FAR2: variants seen among roughly 807,000 people sequenced by gnomAD.
FAR2 encodes the protein epididymis secretory protein Li 81.
In FAR2, 19 loss-of-function variants were observed where a neutral mutation model predicts 56.0. That is an observed-to-expected ratio of 0.34 (90% CI 0.24 to 0.50). FAR2 has a LOEUF of 0.50. FAR2 is among the 20% of genes least tolerant of loss of function. FAR2 has a pLI of 0.98. For missense variants in FAR2, 508 were observed against 642.2 expected (o/e 0.79, Z 2.26); for synonymous variants, 219 against 218.8 (o/e 1.00, Z -0.01).
At chr12:29,271,899 G>A (rs1024558188) in intron 2 of FAR2, among the ~76,000 whole-genome samples, 1 of 152,098 alleles carries the variant, frequency 6.6e-6, no homozygotes, top group African/African-American at 2.4e-5. Flanking sequence ...ACTTACCAAA[G>A]GTCTTCTACC....
At chr12:29,247,569 A>T (rs907532813) in intron 1 of FAR2, among the ~76,000 whole-genome samples, 1 of 152,090 alleles carries the variant, frequency 6.6e-6, no homozygotes, top group Non-Finnish European at 1.5e-5. Flanking sequence ...ACACATTTAA[A>T]CTATTTTGTT....
At chr12:29,157,258 CTTG>C (rs1266524524) in intron 1 of FAR2, among the ~76,000 whole-genome samples, 2 of 151,402 alleles carry the variant, frequency 1.3e-5, no homozygotes, top group African/African-American at 2.4e-5. Context: ...ATAACATTTG[CTTG>C]TTGATTTAGC....
chr12:29,335,275 T>C lies in FAR2; in HGVS notation c.*1481T>C, dbSNP rs1162235337. The C allele has an allele frequency of 6.6e-6, 1 of 152,182 alleles. No individual in the cohort carries two copies. The highest frequency in any genetic ancestry group is 1.9e-4 in the East Asian group (1 of 5,190). The allele number at this position is 152,182 out of a possible 1,614,324, so 9.4% of individuals were successfully genotyped here. ...ATTCCAGATTCTCCTGAGCTCTATATAAAGGGCATTTTGGAGGAACTCTTC... is the reference window on the plus strand; with the variant it reads ...ATTCCAGATTCTCCTGAGCTCTATACAAAGGGCATTTTGGAGGAACTCTTC... On this transcript the variant is annotated 3_prime_UTR_variant, in exon 12 of 12. Transcript: ENST00000536681.
chr12:29,323,415 G>A (rs979928776), intron 10 of FAR2, among the ~76,000 whole-genome samples: 21 of 152,216 alleles, frequency 1.4e-4, no homozygotes, highest in East Asian at 3.9e-4. Flanking sequence ...CCTCCAGCAC[G>A]CAGCTTGAGA....
chr12:29,258,310 G>A lies in FAR2; in HGVS notation c.-38-12102G>A, dbSNP rs112523925. On this transcript the variant is annotated intron_variant, in intron 1 of 11. Coordinates refer to ENST00000536681, the MANE Select transcript of FAR2 (RefSeq NM_001271783.2). ...GCAGAGATTGCAGTGAGCCGAGATC[G>A]CACCACTGCACTCCAGTCTGGGTGA... is the stretch of plus-strand genomic sequence containing the variant. 3.9e-3 allele frequency among the ~76,000 whole-genome samples: 592 copies of A among 152,076 alleles called. 7 individuals are homozygous for A. The highest frequency in any genetic ancestry group is 0.013 in the African/African-American group (532 of 41,478).
At chr12:29,169,869 G>A (rs1466517647) in intron 1 of FAR2, among the ~76,000 whole-genome samples, 2 of 152,204 alleles carry the variant, frequency 1.3e-5, no homozygotes, top group African/African-American at 4.8e-5. Context: ...CGTATAAGTA[G>A]GGGTATTAGT....
intron 2 of FAR2, among the ~76,000 whole-genome samples, chr12:29,289,799 A>G (rs1412655562): frequency 6.6e-6 from 1 of 152,214 alleles, no homozygotes; most frequent in Non-Finnish European, 1.5e-5. Context: ...TATCTGATAA[A>G]GGATTAATAA....
At chr12:29,308,285 A>G (rs1418200840) in intron 5 of FAR2, among the ~76,000 whole-genome samples, 3 of 152,158 alleles carry the variant, frequency 2.0e-5, no homozygotes, top group Non-Finnish European at 4.4e-5. Flanking sequence ...GACCTTTTGA[A>G]AGTACTTTGA....
In FAR2 at chr12:29,327,674, A is replaced by G. The variant is rs926342156; in HGVS notation, c.1258-4926A>G. Among the ~76,000 whole-genome samples the G allele has an allele frequency of 3.1e-4, 47 of 152,354 alleles. No individual in the cohort carries two copies. The South Asian group carries it at 4.8e-3, about 15-fold the overall frequency. ...GGGGAAAGGATTCCCTATTTAATAA[A>G]TGGTGCTGGGAAAACTGGCTAGCCA... On this transcript the variant is annotated intron_variant, in intron 10 of 11. Transcript: ENST00000536681.
At chr12:29,158,090 TAA>T (rs1375733547) in intron 1 of FAR2, among the ~76,000 whole-genome samples, 17 of 152,228 alleles carry the variant, frequency 1.1e-4, no homozygotes, top group Admixed American at 1.1e-3. Context: ...GCCTAAAACT[TAA>T]GAGAAACTGT....
At chr12:29,252,567 G>A (rs573598730) in intron 1 of FAR2, among the ~76,000 whole-genome samples, 3 of 152,076 alleles carry the variant, frequency 2.0e-5, no homozygotes, top group African/African-American at 4.8e-5. Context: ...AACATGTGTC[G>A]ACTTTTTATT....
At chr12:29,255,280 G>T (rs1476849432) in intron 1 of FAR2, among the ~76,000 whole-genome samples, 2 of 152,156 alleles carry the variant, frequency 1.3e-5, no homozygotes, top group African/African-American at 4.8e-5. Flanking sequence ...CTCTGTGTCT[G>T]CCTAGAGAGC....
At chr12:29,212,413 C>T (rs1947561331) in intron 1 of FAR2, among the ~76,000 whole-genome samples, 1 of 152,158 alleles carries the variant, frequency 6.6e-6, no homozygotes, top group African/African-American at 2.4e-5. Flanking sequence ...TTCACTTTTA[C>T]TGCTCTAACT....
At chr12:29,156,321 A>G (rs1282126724) in intron 1 of FAR2, 1 of 152,248 alleles carries the variant, frequency 6.6e-6, no homozygotes, top group Non-Finnish European at 1.5e-5. Flanking sequence ...ATTTAAAATA[A>G]TATTAATTTT....
At chr12:29,295,540 G>C (rs1416358659) in intron 3 of FAR2, among the ~76,000 whole-genome samples, 1 of 151,992 alleles carries the variant, frequency 6.6e-6, no homozygotes, top group Non-Finnish European at 1.5e-5. Flanking sequence ...TGTATATGTA[G>C]AATACTTTAA....
At chr12:29,201,388 A>G (rs1444026193) in intron 1 of FAR2, among the ~76,000 whole-genome samples, 1 of 152,208 alleles carries the variant, frequency 6.6e-6, no homozygotes, top group African/African-American at 2.4e-5. Flanking sequence ...CAAGATATGA[A>G]AGGGAGTTTG....
intron 1 of FAR2, among the ~76,000 whole-genome samples, chr12:29,251,521 T>C (rs1269120485): frequency 6.6e-6 from 1 of 152,164 alleles, no homozygotes; most frequent in Non-Finnish European, 1.5e-5. Flanking sequence ...AGTTTTAGTT[T>C]AGATCTGTCT....
intron 1 of FAR2, among the ~76,000 whole-genome samples, chr12:29,202,140 TTA>T (rs1947424974): frequency 6.6e-6 from 1 of 152,124 alleles, no homozygotes; most frequent in South Asian, 2.1e-4. Context: ...TTTATTATTA[TTA>T]TTATTTTCTA....
At chr12:29,199,728 C>T (rs556595178) in intron 1 of FAR2, among the ~76,000 whole-genome samples, 14 of 152,012 alleles carry the variant, frequency 9.2e-5, no homozygotes, top group African/African-American at 3.1e-4. Flanking sequence ...CAAGCACTTG[C>T]GGTAAGAATG....
Sources: allele counts gnomAD v4.1 joint callset (sites outside exome capture counted in the v4.1 genomes callset), GRCh38; gene constraint gnomAD v4.1.1; transcripts MANE v1.5; gene names NCBI Gene and HGNC (gene_info 2026-07-23, HGNC 2026-07-21).